Variants in FAM228B observed in about 807,000 individuals in gnomAD.
FAM228B encodes family with sequence similarity 228 member B.
A neutral mutation model predicts 42.6 loss-of-function variants in FAM228B; 38 were observed. The observed-to-expected ratio is 0.89, with a 90% confidence interval of 0.69 to 1.17. FAM228B has a LOEUF of 1.17. Ranked by LOEUF, FAM228B falls within the 50% of genes most tolerant of loss-of-function variation. The probability of loss-of-function intolerance (pLI) is 0.00; values close to 1 mark genes in which losing one functional copy is unlikely to be tolerated. For synonymous variants in FAM228B, 109 were observed against 122.3 expected (o/e 0.89, Z 0.72); for missense variants, 344 against 367.3 (o/e 0.94, Z 0.52).
At chr2:24,081,097 T>TC in intron 2 of FAM228B, 3 of 1,383,754 alleles carry the variant, frequency 2.2e-6, no homozygotes, top group South Asian at 1.4e-5. Flanking sequence ...ACAGGCATAT[T>TC]CTATCAAGAT....
In FAM228B at chr2:24,084,418, G is replaced by A. The variant is rs1665170217; in HGVS notation, c.-210+3463G>A. ...GGGCAGGGCAGGACAGGACAGGGCA[G>A]GGGCCGCTGTATCCTCGCGGAGCAG... On this transcript the variant is annotated intron_variant, in intron 2 of 10. Transcript: ENST00000613899. The surrounding 1 kb of genome is among the most constrained non-coding windows in gnomAD (Gnocchi z 8.4). 9 of 1,415,756 alleles carry A rather than the reference G, an allele frequency of 6.4e-6. No individual in the cohort carries two copies. The highest frequency in any genetic ancestry group is 4.4e-5 in the African/African-American group (3 of 68,808). The allele number at this position is 1,415,756 out of a possible 1,614,324, so 87.7% of individuals were successfully genotyped here.
rs914890936 is a variant in FAM228B at position 24,077,907 on chromosome 2, G to A, written c.-290+938G>A. ...TAACCCCTCACTTCCTAGCATGTGT[G>A]TGAAATACCCTTGAAGGAGTCATGT... On this transcript the variant is annotated intron_variant, in intron 1 of 10. Coordinates refer to the FAM228B transcript ENST00000613899. The surrounding 1 kb of genome is among the most constrained non-coding windows in gnomAD (Gnocchi z 5.5). The A allele has an allele frequency of 2.5e-6, 2 of 800,430 alleles. No individual in the cohort carries two copies. The highest frequency in any genetic ancestry group is 3.9e-6 in the Non-Finnish European group (2 of 512,186). 49.6% of individuals were successfully genotyped at this position (800,430 alleles called of 1,614,324 possible).
intron 2 of FAM228B, among the ~76,000 whole-genome samples, chr2:24,090,234 C>G (rs1249136153): frequency 2.0e-5 from 3 of 152,056 alleles, no homozygotes; most frequent in African/African-American, 4.8e-5. Flanking sequence ...CGCCACTGCA[C>G]TCCAGCCTGG....
intron 9 of FAM228B, among the ~76,000 whole-genome samples, chr2:24,164,579 GCCC>G (rs1173875647): frequency 6.6e-6 from 1 of 150,534 alleles, no homozygotes; most frequent in Non-Finnish European, 1.5e-5. Flanking sequence ...CGATGAGGGT[GCCC>G]CCTGGTGGAG....
intron 9 of FAM228B, among the ~76,000 whole-genome samples, chr2:24,166,837 G>A (rs1390925760): frequency 6.6e-6 from 1 of 152,112 alleles, no homozygotes; most frequent in Non-Finnish European, 1.5e-5. Flanking sequence ...GAGAGATCTG[G>A]GGAAAGAGTG....
intron 5 of FAM228B, among the ~76,000 whole-genome samples, chr2:24,146,333 T>C (rs902974861): frequency 3.9e-5 from 6 of 152,222 alleles, no homozygotes; most frequent in Non-Finnish European, 7.3e-5. Context: ...ACAAATGATC[T>C]ATATTTTGAA....
Position 24,135,128 on chromosome 2 carries a change from A to T in FAM228B, c.109A>T (p.Lys37Ter). ...AATTCTGTCCTTTCAGGTTTTAGCT[A>T]AAGAAGATACTGAGGCAGCTATTCA... ...KPLCFMEVLA[K>*]EDTEAAIQSI... is the part of the protein sequence containing the mutation. Residue 37 changes from lysine to a stop codon, truncating the protein, a stop_gained, in exon 3 of 11, where the codon AAA becomes TAA. Transcript: ENST00000615575. LOFTEE classifies it high-confidence loss of function. 1 of 1,504,786 alleles carries T rather than the reference A, an allele frequency of 6.6e-7. No homozygotes were observed. The highest frequency in any genetic ancestry group is 2.1e-5 in the Admixed American group (1 of 47,878). 93.2% of individuals were successfully genotyped at this position (1,504,786 alleles called of 1,614,324 possible). A position where few individuals can be genotyped will look rare whatever the true frequency, so the allele number is the denominator to read the frequency against.
chr2:24,113,724 A>C (rs1665838748), intron 3 of FAM228B, among the ~76,000 whole-genome samples: 1 of 152,162 alleles, frequency 6.6e-6, no homozygotes, highest in Non-Finnish European at 1.5e-5. Context: ...TAAAAATACA[A>C]AAATTAGCTA....
chr2:24,124,396 G>C lies in FAM228B; in HGVS notation c.35G>C (p.Gly12Ala). The C allele has an allele frequency of 1.3e-6, 2 of 1,551,646 alleles. No individual in the cohort carries two copies. The highest frequency in any genetic ancestry group is 1.7e-6 in the Non-Finnish European group (2 of 1,146,906). Residue 12 changes from glycine to alanine, a missense_variant, in exon 2 of 11, where the codon GGC becomes GCC. Physicochemically the swap from Gly to Ala is moderately conservative, Grantham distance 60. Transcript: ENST00000615575. Reference sequence around the variant, plus strand: ...GTAGACAGTGATGATCTGGTAACTGGCACACTTCCCAAGCTCAAGAGCTCA... The same window carrying C: ...GTAGACAGTGATGATCTGGTAACTGCCACACTTCCCAAGCTCAAGAGCTCA... ...KNVDSDDLVTGTLPKLKSSKE... is the reference protein window; with the variant it reads ...KNVDSDDLVTATLPKLKSSKE...
chr2:24,140,005 A>G (rs186438222), intron 5 of FAM228B, among the ~76,000 whole-genome samples: 1 of 152,342 alleles, frequency 6.6e-6, no homozygotes, highest in East Asian at 1.9e-4. Context: ...TGTTACTAAT[A>G]GCAGAATTAA....
intron 5 of FAM228B, among the ~76,000 whole-genome samples, chr2:24,143,488 C>CT (rs1329635310): frequency 6.6e-6 from 1 of 152,188 alleles, no homozygotes; most frequent in African/African-American, 2.4e-5. Context: ...ACCATCATGC[C>CT]TGGCCACTCC....
At chr2:24,100,062 C>T (rs1461569828) in intron 3 of FAM228B, among the ~76,000 whole-genome samples, 2 of 152,090 alleles carry the variant, frequency 1.3e-5, no homozygotes, top group East Asian at 3.9e-4. Context: ...AACTGGCTAG[C>T]CATATGTAGA....
chr2:24,160,685 C>T (rs1357188196), intron 7 of FAM228B, among the ~76,000 whole-genome samples: 1 of 152,106 alleles, frequency 6.6e-6, no homozygotes, highest in Non-Finnish European at 1.5e-5. Flanking sequence ...TCAAGCATTT[C>T]ATACATTGCT....
At chr2:24,105,308 A>G (rs1665681510) in intron 3 of FAM228B, among the ~76,000 whole-genome samples, 1 of 152,212 alleles carries the variant, frequency 6.6e-6, no homozygotes. Flanking sequence ...AAGAAATGCA[A>G]ATAGGGAGAC....
intron 2 of FAM228B, among the ~76,000 whole-genome samples, chr2:24,087,820 C>T (rs977513136): frequency 5.6e-5 from 8 of 143,308 alleles, no homozygotes; most frequent in Non-Finnish European, 7.5e-5. Context: ...CTCACTCTGT[C>T]ACCCAGGCGA....
chr2:24,116,723 A>G (rs1441312135), intron 3 of FAM228B, among the ~76,000 whole-genome samples: 1 of 151,696 alleles, frequency 6.6e-6, no homozygotes, highest in Non-Finnish European at 1.5e-5. Flanking sequence ...GTGTGGTGGC[A>G]GGCACCTGTA....
At chr2:24,086,253 G>T (rs1471453817) in intron 2 of FAM228B, among the ~76,000 whole-genome samples, 1 of 133,862 alleles carries the variant, frequency 7.5e-6, no homozygotes, top group Non-Finnish European at 1.6e-5. Context: ...AAAAAAAAAA[G>T]GAATTTTAGA....
chr2:24,103,050 CT>C (rs1206133562), intron 3 of FAM228B, among the ~76,000 whole-genome samples: 1 of 152,184 alleles, frequency 6.6e-6, no homozygotes, highest in Non-Finnish European at 1.5e-5. Flanking sequence ...CTCACTGATA[CT>C]TTTTTTGCTT....
intron 7 of FAM228B, among the ~76,000 whole-genome samples, chr2:24,157,067 G>A (rs76151101): frequency 9.1e-4 from 138 of 152,184 alleles, no homozygotes; most frequent in African/African-American, 3.3e-3. Flanking sequence ...TTTCTATCTT[G>A]ATTTCATTGT....
Sources: gnomAD v4.1 joint callset for allele counts (sites outside exome capture counted in the v4.1 genomes callset) on GRCh38, gnomAD v4.1.1 for gene constraint, Gnocchi (gnomAD v3.1) non-coding constraint, MANE v1.5 for transcripts, NCBI Gene and HGNC (gene_info 2026-07-23, HGNC 2026-07-21) for gene names.